Variants in STK32B observed in about 807,000 individuals in gnomAD.
STK32B encodes serine/threonine-protein kinase 32B.
In STK32B, 43 loss-of-function variants were observed where a neutral mutation model predicts 52.6. The ratio of observed to expected loss-of-function variants is 0.82; its 90% CI spans 0.64 to 1.05. STK32B has a LOEUF of 1.05. Among genes scored for constraint, STK32B ranks in the 50% least tolerant of loss-of-function variants. The pLI is 0.00. For synonymous variants in STK32B, 238 were observed against 204.3 expected (o/e 1.17, Z -1.41); for missense variants, 621 against 534.6 (o/e 1.16, Z -1.59).
chr4:5,147,770 G>A (rs1717024374), intron 2 of STK32B, among the ~76,000 whole-genome samples: 1 of 151,892 alleles, frequency 6.6e-6, no homozygotes, highest in African/African-American at 2.4e-5. Flanking sequence ...AATCCCACTT[G>A]AATATGATAC....
At chr4:5,142,137 C>T (rs1001721246) in intron 2 of STK32B, among the ~76,000 whole-genome samples, 1 of 152,202 alleles carries the variant, frequency 6.6e-6, no homozygotes, top group Non-Finnish European at 1.5e-5. Flanking sequence ...GTCCAATACA[C>T]TAACTATCCT....
intron 3 of STK32B, among the ~76,000 whole-genome samples, chr4:5,172,015 G>T (rs190048941): frequency 1.3e-5 from 2 of 151,538 alleles, no homozygotes; most frequent in Non-Finnish European, 2.9e-5. Context: ...CCTTGAAGAG[G>T]TCCTTCACAT....
intron 3 of STK32B, among the ~76,000 whole-genome samples, chr4:5,185,106 AT>A (rs1380357129): frequency 6.6e-6 from 1 of 152,214 alleles, no homozygotes; most frequent in African/African-American, 2.4e-5. Flanking sequence ...TTAGACTGTT[AT>A]CCTGATTGAA....
At chr4:5,397,129 A>G (rs1353291018) in intron 4 of STK32B, among the ~76,000 whole-genome samples, 2 of 152,254 alleles carry the variant, frequency 1.3e-5, no homozygotes, top group Non-Finnish European at 2.9e-5. Flanking sequence ...AGGTAGAATT[A>G]ATATTTGATA....
At position 5,247,072 on chromosome 4, in the gene STK32B, C is replaced by T. The variant is rs572396246; in HGVS notation, c.260+78622C>T. ...CCGTTCTCAGATCTCAAGCTGCATGCTGGGAGAACCACTACTCTCTTCAAA... is the reference window on the plus strand; with the variant it reads ...CCGTTCTCAGATCTCAAGCTGCATGTTGGGAGAACCACTACTCTCTTCAAA... On this transcript the variant is annotated intron_variant, in intron 3 of 11. Transcript: ENST00000282908. Among the ~76,000 whole-genome samples the T allele has an allele frequency of 1.4e-4, 21 of 152,350 alleles. 1 individual carries two copies. Among genetic ancestry groups the T allele is most frequent in the Middle Eastern group, 3.4e-3 (1 of 294 alleles).
intron 2 of STK32B, among the ~76,000 whole-genome samples, chr4:5,149,488 G>C (rs182383584): frequency 6.6e-6 from 1 of 151,484 alleles, no homozygotes; most frequent in South Asian, 2.1e-4. Flanking sequence ...GTAAGTATAC[G>C]TTCCAGTATT....
At chr4:5,276,654 G>T (rs1727843374) in intron 3 of STK32B, among the ~76,000 whole-genome samples, 2 of 151,772 alleles carry the variant, frequency 1.3e-5, no homozygotes, top group Non-Finnish European at 2.9e-5. Flanking sequence ...TTTTCATAAG[G>T]CGTCACGTGT....
At chr4:5,466,053 G>A (rs1425317766) in intron 9 of STK32B, among the ~76,000 whole-genome samples, 1 of 152,202 alleles carries the variant, frequency 6.6e-6, no homozygotes, top group African/African-American at 2.4e-5. Flanking sequence ...ATAGCCACCG[G>A]GCTGCATTGC....
At chr4:5,430,391 C>A (rs1288502793) in intron 6 of STK32B, among the ~76,000 whole-genome samples, 1 of 152,112 alleles carries the variant, frequency 6.6e-6, no homozygotes, top group African/African-American at 2.4e-5. Context: ...TATGTTTTTG[C>A]ATTTGTTTGT....
chr4:5,284,637 A>G (rs1025748531), intron 3 of STK32B, among the ~76,000 whole-genome samples: 1 of 152,228 alleles, frequency 6.6e-6, no homozygotes, highest in Admixed American at 6.5e-5. Context: ...TTATAACTGC[A>G]TAAAACTCAC....
intron 3 of STK32B, among the ~76,000 whole-genome samples, chr4:5,218,502 A>C (rs1172048230): frequency 1.3e-5 from 2 of 152,208 alleles, no homozygotes; most frequent in Non-Finnish European, 2.9e-5. Context: ...TCTTTGGCCA[A>C]TTCCTGTAGT....
chr4:5,253,570 T>G (rs1726091866), intron 3 of STK32B, among the ~76,000 whole-genome samples: 1 of 152,068 alleles, frequency 6.6e-6, no homozygotes, highest in Non-Finnish European at 1.5e-5. Flanking sequence ...GAGATGAGGT[T>G]TCACCATGTT....
At chr4:5,319,374 G>A (rs928006370) in intron 3 of STK32B, among the ~76,000 whole-genome samples, 1 of 152,168 alleles carries the variant, frequency 6.6e-6, no homozygotes, top group African/African-American at 2.4e-5. Context: ...CTAAAGCAAA[G>A]GTCCTCCAAC....
chr4:5,271,092 C>T (rs925821929), intron 3 of STK32B, among the ~76,000 whole-genome samples: 1 of 152,106 alleles, frequency 6.6e-6, no homozygotes, highest in Non-Finnish European at 1.5e-5. Context: ...TGCATGCCAC[C>T]ATGCCCGGCT....
Position 5,468,012 on chromosome 4 carries a change from C to A in STK32B, c.1048C>A (p.His350Asn). The A allele has an allele frequency of 3.1e-6, 5 of 1,614,152 alleles. No individual in the cohort carries two copies. Among genetic ancestry groups the A allele is most frequent in the Non-Finnish European group, 4.2e-6 (5 of 1,179,986 alleles). The change falls in exon 11 of 12, where the codon CAC becomes AAC. Residue 350 changes from histidine to asparagine, a missense_variant. Transcript: ENST00000282908. Reference protein sequence around the residue: ...GTKDSCPLNGHLQHCLETVRE... With the variant: ...GTKDSCPLNGNLQHCLETVRE... ...CCTCTGTGCTCTTTGACAGAATGGA[C>A]ACCTGCAGCACTGTTTGGAGACTGT... is the stretch of plus-strand genomic sequence containing the variant.
chr4:5,334,358 C>T (rs1191794569), intron 4 of STK32B, among the ~76,000 whole-genome samples: 4 of 152,218 alleles, frequency 2.6e-5, no homozygotes, highest in East Asian at 3.9e-4. Context: ...AGTTGCTTAT[C>T]AGCTTAAGGA....
chr4:5,404,556 ACATT>A (rs1165663561), intron 5 of STK32B, among the ~76,000 whole-genome samples: 2 of 152,158 alleles, frequency 1.3e-5, no homozygotes, highest in African/African-American at 2.4e-5. Context: ...ATTACATAGT[ACATT>A]CATTCATTCA....
intron 11 of STK32B, among the ~76,000 whole-genome samples, chr4:5,483,851 C>T (rs1468498733): frequency 3.9e-5 from 6 of 152,162 alleles, no homozygotes; most frequent in Non-Finnish European, 8.8e-5. Flanking sequence ...GTGTACCCAG[C>T]AGTCATTCAG....
rs529611274 is a variant in STK32B, at chr4:5,078,962, G to GT, written c.52+27054dup. ...AACTATCTCTGTTAAAAGTAAAATT[G>GT]TTTTTTTATATAAAATGAAAGTAAA... is the stretch of plus-strand genomic sequence containing the variant. On this transcript the variant is annotated intron_variant, in intron 1 of 11. Transcript: ENST00000282908. 1.2e-4 allele frequency among the ~76,000 whole-genome samples: 18 copies of GT among 152,210 alleles called. 1 individual carries two copies. The East Asian group carries it at 2.7e-3, about 23-fold the overall frequency.
Sources: gnomAD v4.1 joint callset for allele counts (sites outside exome capture counted in the v4.1 genomes callset) on GRCh38, gnomAD v4.1.1 for gene constraint, MANE v1.5 for transcripts, NCBI Gene and HGNC (gene_info 2026-07-23, HGNC 2026-07-21) for gene names.